Variants in PGM2 observed in about 807,000 individuals in gnomAD.
PGM2 encodes the protein phosphopentomutase.
In PGM2, 57 loss-of-function variants were observed where a neutral mutation model predicts 74.6. That is an observed-to-expected ratio of 0.76 (90% CI 0.62 to 0.95). PGM2 has a LOEUF of 0.95. Ranked by LOEUF, PGM2 falls within the 40% of genes least tolerant of loss-of-function variation. The pLI is 0.00. For missense variants in PGM2, 706 were observed against 741.9 expected (o/e 0.95, Z 0.56); for synonymous variants, 273 against 260.7 (o/e 1.05, Z -0.46).
chr4:37,850,636 A>C (rs867532155), intron 12 of PGM2, among the ~76,000 whole-genome samples: 29 of 152,254 alleles, frequency 1.9e-4, no homozygotes, highest in African/African-American at 6.7e-4. Flanking sequence ...CCCGGTCTCT[A>C]TTAAAAAATA....
Position 37,834,789 on chromosome 4 carries a change from A to T in PGM2, c.356+65A>T. ...ATTTTGCAGTTTTATTTTAATCACC[A>T]TCTCAATAACTTGACTTTAATATAT... is the stretch of plus-strand genomic sequence containing the variant. On this transcript the variant is annotated intron_variant, in intron 3 of 13. Coordinates refer to ENST00000381967, the MANE Select transcript of PGM2 (RefSeq NM_018290.4). 5.1e-6 allele frequency: 4 copies of T among 781,412 alleles called. 1 individual carries two copies. In the South Asian group the frequency reaches 6.3e-5, roughly 12 times the overall value. The allele number at this position is 781,412 out of a possible 1,614,324, so 48.4% of individuals were successfully genotyped here.
chr4:37,829,948 C>T lies in PGM2; in HGVS notation c.82-16C>T. ...ATTCACTTGTCTGGCTGTGTCTATACATTTTTGTTTTTCAGAATTCCTTAA... is the reference window on the plus strand; with the variant it reads ...ATTCACTTGTCTGGCTGTGTCTATATATTTTTGTTTTTCAGAATTCCTTAA... On this transcript the variant is annotated splice_polypyrimidine_tract_variant and intron_variant, in intron 1 of 13. Coordinates refer to ENST00000381967, the MANE Select transcript of PGM2 (RefSeq NM_018290.4). 2 of 1,551,498 alleles carry T rather than the reference C, an allele frequency of 1.3e-6. No individual in the cohort carries two copies. The highest frequency in any genetic ancestry group is 1.7e-6 in the Non-Finnish European group (2 of 1,144,312).
intron 6 of PGM2, among the ~76,000 whole-genome samples, chr4:37,842,303 CTTATT>C (rs1380025399): frequency 4.0e-5 from 6 of 151,192 alleles, no homozygotes; most frequent in African/African-American, 1.5e-4. Flanking sequence ...ATTTATTAGT[CTTATT>C]TTATAGCTTC....
intron 6 of PGM2, among the ~76,000 whole-genome samples, chr4:37,840,675 A>AC (rs1372027845): frequency 2.0e-5 from 3 of 152,188 alleles, no homozygotes; most frequent in African/African-American, 7.2e-5. Context: ...ATGAGCCACC[A>AC]CGCCCACCCA....
chr4:37,853,047 T>A (rs1726096198), intron 12 of PGM2, among the ~76,000 whole-genome samples: 1 of 152,212 alleles, frequency 6.6e-6, no homozygotes, highest in South Asian at 2.1e-4. Flanking sequence ...ACTTTTCTTG[T>A]TTCTTTCTTT....
chr4:37,830,193 C>G, intron 2 of PGM2, 62 bp downstream of exon 2: 2 of 1,198,300 alleles, frequency 1.7e-6, no homozygotes, highest in Non-Finnish European at 2.3e-6. Flanking sequence ...TTCTATTTGG[C>G]AGACCTAATT....
intron 2 of PGM2, among the ~76,000 whole-genome samples, chr4:37,830,820 C>T (rs572759772): frequency 1.6e-4 from 24 of 152,210 alleles, no homozygotes; most frequent in African/African-American, 5.3e-4. Context: ...ATGTGCCTCA[C>T]GTATACATCC....
At chr4:37,846,645 A>G (rs760853212) in intron 8 of PGM2, among the ~76,000 whole-genome samples, 2 of 152,218 alleles carry the variant, frequency 1.3e-5, no homozygotes, top group Non-Finnish European at 2.9e-5. Flanking sequence ...CCAAAGATTA[A>G]TATAGAGCCA....
intron 3 of PGM2, among the ~76,000 whole-genome samples, chr4:37,836,760 G>C (rs1012961201): frequency 2.0e-5 from 3 of 152,120 alleles, no homozygotes; most frequent in Non-Finnish European, 4.4e-5. Flanking sequence ...GCCATTTTCT[G>C]CGTCTTACCC....
At chr4:37,842,669 T>C (rs905212441) in intron 6 of PGM2, among the ~76,000 whole-genome samples, 1 of 5,860 alleles carries the variant, frequency 1.7e-4, no homozygotes, top group East Asian at 3.1e-3. Flanking sequence ...ATTTTTTTTC[T>C]TTTTTTTTTG....
At chr4:37,843,924 G>A (rs1725796811) in intron 6 of PGM2, among the ~76,000 whole-genome samples, 1 of 152,114 alleles carries the variant, frequency 6.6e-6, no homozygotes, top group Non-Finnish European at 1.5e-5. Context: ...AACACATTTT[G>A]TTAAAAAGGA....
In PGM2 at chr4:37,830,107, C is replaced by T. The variant is rs1360376336; in HGVS notation, c.225C>T (p.Asp75=). 3 of 1,592,252 alleles carry T rather than the reference C, an allele frequency of 1.9e-6. No homozygotes were observed. Among genetic ancestry groups the T allele is most frequent in the Non-Finnish European group, 1.7e-6 (2 of 1,169,584 alleles). The change falls in exon 2 of 14, where the codon GAC becomes GAT. Residue 75 remains aspartate (D), a synonymous_variant. Transcript: ENST00000381967. ...GACCTGGAATTTCTCGTATGAATGACTTGACCATCATCCAGACTACACAGG... is the reference window on the plus strand; with the variant it reads ...GACCTGGAATTTCTCGTATGAATGATTTGACCATCATCCAGACTACACAGG... ...AMGPGISRMN[D]LTIIQTTQGF...
intron 2 of PGM2, among the ~76,000 whole-genome samples, chr4:37,831,397 T>C (rs1298077132): frequency 2.0e-5 from 3 of 152,156 alleles, no homozygotes; most frequent in Non-Finnish European, 4.4e-5. Flanking sequence ...TAACAAATCA[T>C]TGAAAACATA....
intron 6 of PGM2, 21 bp from the exon 7 acceptor site, chr4:37,844,342 TC>T: frequency 6.5e-7 from 1 of 1,534,272 alleles, no homozygotes; most frequent in Non-Finnish European, 8.9e-7. Context: ...TGTATCATTT[TC>T]CACTGTGTAT....
chr4:37,844,176 GAGT>G (rs1320984427), intron 6 of PGM2, among the ~76,000 whole-genome samples, 185 bp from the exon 7 acceptor site: 4 of 151,956 alleles, frequency 2.6e-5, no homozygotes, highest in Non-Finnish European at 4.4e-5. Context: ...AATAACTACA[GAGT>G]AGAATTTAAA....
intron 1 of PGM2, 40 bp downstream of exon 1, chr4:37,826,853 C>T: frequency 2.2e-6 from 3 of 1,337,740 alleles, no homozygotes; most frequent in Non-Finnish European, 3.1e-6. Context: ...TGGAGCGGGG[C>T]CGGGTGCTCT....
chr4:37,851,799 C>T (rs1363173506), intron 12 of PGM2, among the ~76,000 whole-genome samples: 2 of 152,156 alleles, frequency 1.3e-5, no homozygotes, highest in Admixed American at 6.6e-5. Flanking sequence ...ATTCTCTTCT[C>T]CCCATCCTCA....
intron 13 of PGM2, among the ~76,000 whole-genome samples, chr4:37,861,053 C>T (rs1488929885): frequency 2.0e-5 from 3 of 152,026 alleles, no homozygotes; most frequent in African/African-American, 7.2e-5. Flanking sequence ...GCTTAGGTGC[C>T]AGTAGTTTGA....
chr4:37,831,521 G>A (rs539550097), intron 2 of PGM2, among the ~76,000 whole-genome samples: 1 of 152,356 alleles, frequency 6.6e-6, no homozygotes, highest in African/African-American at 2.4e-5. Flanking sequence ...CAGTTTGGAG[G>A]TTGGAATCAT....
Sources: gnomAD v4.1 joint callset for allele counts (sites outside exome capture counted in the v4.1 genomes callset) on GRCh38, gnomAD v4.1.1 for gene constraint, MANE v1.5 for transcripts, NCBI Gene and HGNC (gene_info 2026-07-23, HGNC 2026-07-21) for gene names.